Variants in CHAT observed in about 807,000 individuals in gnomAD.
CHAT encodes choline O-acetyltransferase.
CHAT carries 61 observed loss-of-function variants against 76.9 expected under a neutral mutation model. The ratio of observed to expected loss-of-function variants is 0.79; its 90% CI spans 0.65 to 0.98. The LOEUF is 0.98. Among genes scored for constraint, CHAT ranks in the 50% least tolerant of loss-of-function variants. The pLI, the probability that CHAT is intolerant of heterozygous loss-of-function variation, is 0.00. For synonymous variants in CHAT, 407 were observed against 397.4 expected (o/e 1.02, Z -0.29); for missense variants, 946 against 986.9 (o/e 0.96, Z 0.56).
At chr10:49,656,038 C>A (rs188784974) in intron 13 of CHAT, among the ~76,000 whole-genome samples, 1 of 152,150 alleles carries the variant, frequency 6.6e-6, no homozygotes. Flanking sequence ...GTGACTTGGG[C>A]GGCTCATCAA....
chr10:49,652,226 G>A (rs1839903471), intron 11 of CHAT, among the ~76,000 whole-genome samples: 1 of 152,198 alleles, frequency 6.6e-6, no homozygotes, highest in Non-Finnish European at 1.5e-5. Context: ...CTGGGTGATG[G>A]CACAGGGGCA....
In CHAT at chr10:49,662,786, C is replaced by T. The variant is rs200116201; in HGVS notation, c.1977+4C>T. 203 of 1,614,188 alleles carry T rather than the reference C, an allele frequency of 1.3e-4. 1 individual carries two copies. Among genetic ancestry groups the T allele is most frequent in the Non-Finnish European group, 1.6e-4 (189 of 1,180,028 alleles). Reference sequence around the variant, plus strand: ...GTTTGTCCTCTCCACTAGCCAGGTACGGCCCCGTGCAGCTATCGCCCAAGA... The same window carrying T: ...GTTTGTCCTCTCCACTAGCCAGGTATGGCCCCGTGCAGCTATCGCCCAAGA... On this transcript the variant is annotated splice_donor_region_variant and intron_variant, in intron 14 of 14. Transcript: ENST00000337653.
intron 7 of CHAT, among the ~76,000 whole-genome samples, chr10:49,634,340 CAG>C (rs2132757390): frequency 6.6e-6 from 1 of 152,350 alleles, no homozygotes; most frequent in East Asian, 1.9e-4. Flanking sequence ...GCCTGGCACA[CAG>C]AGGGTGTTGG....
intron 13 of CHAT, among the ~76,000 whole-genome samples, chr10:49,656,914 G>T (rs1239368751): frequency 6.6e-6 from 1 of 152,050 alleles, no homozygotes; most frequent in Non-Finnish European, 1.5e-5. Flanking sequence ...AACTCTTCGC[G>T]CATGGTGGAC....
chr10:49,618,860 C>T (rs534786211), intron 2 of CHAT, among the ~76,000 whole-genome samples: 1 of 152,280 alleles, frequency 6.6e-6, no homozygotes, highest in Admixed American at 6.5e-5. Context: ...TTAGATGTGC[C>T]TATTTGAGGC....
chr10:49,638,954 G>T lies in CHAT; in HGVS notation c.1112-7551G>T, dbSNP rs576122577. ...TTCTTTTAAAAAAAACTTTCTTAGG[G>T]ACCAGCTGCAGTGGCTCACGCCTGT... On this transcript the variant is annotated intron_variant, in intron 7 of 14. Transcript: ENST00000337653. 2.0e-5 allele frequency among the ~76,000 whole-genome samples: 3 copies of T among 152,132 alleles called. No individual in the cohort carries two copies. The East Asian group carries it at 5.8e-4, about 29-fold the overall frequency.
chr10:49,644,433 GT>G (rs1839592561), intron 7 of CHAT, among the ~76,000 whole-genome samples: 1 of 152,298 alleles, frequency 6.6e-6, no homozygotes, highest in East Asian at 1.9e-4. Flanking sequence ...AGGAAGGGGA[GT>G]TTCCCCAGGG....
intron 6 of CHAT, 112 bp downstream of exon 6, chr10:49,625,765 G>GA: frequency 1.5e-5 from 17 of 1,157,410 alleles, no homozygotes; most frequent in South Asian, 2.6e-5. Context: ...GTCACACAGG[G>GA]AGCTGGGGCA....
intron 8 of CHAT, chr10:49,648,057 G>T (rs1008243758): frequency 1.8e-5 from 4 of 221,288 alleles, no homozygotes; most frequent in African/African-American, 9.2e-5. Flanking sequence ...AGTTTGGGGA[G>T]AAGCTCTGTG....
At chr10:49,664,059 AT>A (rs1015853917) in intron 14 of CHAT, among the ~76,000 whole-genome samples, 1 of 152,046 alleles carries the variant, frequency 6.6e-6, no homozygotes, top group East Asian at 1.9e-4. Context: ...AATCCTTTCT[AT>A]TTTTTTTCCC....
chr10:49,645,844 C>T (rs1839642613), intron 7 of CHAT, among the ~76,000 whole-genome samples: 1 of 152,168 alleles, frequency 6.6e-6, no homozygotes, highest in Non-Finnish European at 1.5e-5. Context: ...GTGGGCCAGG[C>T]TTGGAGCTCC....
At chr10:49,623,931 T>C (rs1467228495) in intron 5 of CHAT, among the ~76,000 whole-genome samples, 2 of 152,220 alleles carry the variant, frequency 1.3e-5, no homozygotes, top group East Asian at 1.9e-4. Context: ...ACCTCCTTCC[T>C]TGTTCTTCCT....
In CHAT at chr10:49,619,869, A is replaced by T. The variant is rs757480104; in HGVS notation, c.532A>T (p.Thr178Ser). The T allele has an allele frequency of 1.9e-6, 3 of 1,613,314 alleles. No individual in the cohort carries two copies. The Admixed American group carries it at 5.0e-5, about 27-fold the overall frequency. Residue 178 changes from threonine (T) to serine (S), a missense_variant, in exon 3 of 15, where the codon ACC (threonine) becomes TCC (serine). Around this residue, in one of 3 missense-constraint regions of CHAT, gnomAD observed 548 missense variants for 516.2 expected, o/e 1.06. Transcript: ENST00000337653. ...QFGAPGGLGETLQQKLLERQE... is the reference protein window; with the variant it reads ...QFGAPGGLGESLQQKLLERQE... ...TGGGGCCCCTGGTGGCCTCGGCGAG[A>T]CCCTGCAGCAGAAACTCCTGGAGCG...
At chr10:49,631,575 T>C (rs1433186961) in intron 7 of CHAT, among the ~76,000 whole-genome samples, 1 of 152,106 alleles carries the variant, frequency 6.6e-6, no homozygotes, top group Non-Finnish European at 1.5e-5. Context: ...AAATGACAGA[T>C]GGTGAGAGCA....
At chr10:49,652,103 T>C (rs978402378) in intron 11 of CHAT, 97 bp downstream of exon 11, 2 of 1,535,510 alleles carry the variant, frequency 1.3e-6, no homozygotes, top group African/African-American at 2.7e-5. Context: ...AGGGACAGCC[T>C]TCTGTGGGCC....
At chr10:49,630,363 C>T (rs1294492040) in intron 7 of CHAT, among the ~76,000 whole-genome samples, 1 of 152,132 alleles carries the variant, frequency 6.6e-6, no homozygotes, top group Non-Finnish European at 1.5e-5. Context: ...CGGCCAGCCA[C>T]ATGGAATGCT....
intron 4 of CHAT, among the ~76,000 whole-genome samples, chr10:49,621,115 T>C (rs562615553): frequency 6.6e-6 from 1 of 152,260 alleles, no homozygotes; most frequent in Non-Finnish European, 1.5e-5. Context: ...GAAGGGCCTC[T>C]GGCCGCTAAT....
intron 6 of CHAT, among the ~76,000 whole-genome samples, 162 bp downstream of exon 6, chr10:49,625,815 C>G (rs1317892462): frequency 6.6e-6 from 1 of 152,220 alleles, no homozygotes; most frequent in Non-Finnish European, 1.5e-5. Flanking sequence ...CAGTCAGTCC[C>G]ATGTCTCTCC....
rs1180511064 is a variant in CHAT at position 49,653,836 on chromosome 10, C to T, written c.1635-1259C>T. Among the ~76,000 whole-genome samples the T allele has an allele frequency of 2.0e-5, 3 of 152,258 alleles. No individual in the cohort carries two copies. The East Asian group carries it at 5.8e-4, about 29-fold the overall frequency. On this transcript the variant is annotated intron_variant, in intron 11 of 14. Transcript: ENST00000337653. ...GCCACTAAGACCAGCTGCTCGGGAC[C>T]TCTCTACTATGAGCACTTCCAAGTT...
Sources: gnomAD v4.1 joint callset for allele counts (sites outside exome capture counted in the v4.1 genomes callset) on GRCh38, gnomAD v4.1.1 for gene constraint, gnomAD v4.1.1 regional missense constraint, MANE v1.5 for transcripts, NCBI Gene and HGNC (gene_info 2026-07-23, HGNC 2026-07-21) for gene names.